Variants in NEO1 observed in about 807,000 individuals in gnomAD.
NEO1 encodes the protein neogenin 1, also known as neogenin.
Under a neutral mutation model 159.7 loss-of-function variants are expected in NEO1, and 63 were observed. The ratio of observed to expected loss-of-function variants is 0.39; its 90% confidence interval spans 0.32 to 0.49. NEO1 has a LOEUF of 0.49. NEO1 is among the 20% of genes least tolerant of loss of function. NEO1 has a pLI of 0.85. For synonymous variants in NEO1, 633 were observed against 662.0 expected (o/e 0.96, Z 0.67); for missense variants, 1,615 against 1,831.0 (o/e 0.88, Z 2.15).
intron 27 of NEO1, among the ~76,000 whole-genome samples, chr15:73,299,340 T>G (rs1476043943): frequency 6.6e-6 from 1 of 152,108 alleles, no homozygotes; most frequent in African/African-American, 2.4e-5. Flanking sequence ...CAAGTATCTA[T>G]CATGTTAAGA....
At chr15:73,295,789 G>A (rs1486478307) in intron 26 of NEO1, among the ~76,000 whole-genome samples, 1 of 152,094 alleles carries the variant, frequency 6.6e-6, no homozygotes, top group Non-Finnish European at 1.5e-5. Flanking sequence ...GGCTAAGCAG[G>A]GCCAGTCTCT....
At chr15:73,056,575 C>T (rs556045043) in intron 1 of NEO1, among the ~76,000 whole-genome samples, 1 of 152,124 alleles carries the variant, frequency 6.6e-6, no homozygotes, top group Admixed American at 6.5e-5. Flanking sequence ...GTTTTTAACC[C>T]GTAGGGCCAT....
At chr15:73,288,766 C>T (rs2042048141) in intron 24 of NEO1, among the ~76,000 whole-genome samples, 1 of 152,096 alleles carries the variant, frequency 6.6e-6, no homozygotes, top group Non-Finnish European at 1.5e-5. Context: ...TCTTGCAGAT[C>T]TTTTAGGTCT....
chr15:73,223,980 G>A (rs562986209), intron 7 of NEO1, among the ~76,000 whole-genome samples: 13 of 152,250 alleles, frequency 8.5e-5, no homozygotes, highest in East Asian at 3.9e-4. Flanking sequence ...TAGCGGTCTC[G>A]TAGAGGTGGC....
At chr15:73,241,059 A>C (rs2039465120) in intron 8 of NEO1, among the ~76,000 whole-genome samples, 1 of 152,206 alleles carries the variant, frequency 6.6e-6, no homozygotes, top group African/African-American at 2.4e-5. Flanking sequence ...TGCATTTGAA[A>C]ATTCAGCCAC....
chr15:73,069,674 G>GTA (rs543609117), intron 1 of NEO1, among the ~76,000 whole-genome samples: 451 of 151,598 alleles, frequency 3.0e-3, no homozygotes, highest in African/African-American at 3.8e-3. Context: ...ATACACATAC[G>GTA]TATATATATA....
intron 7 of NEO1, among the ~76,000 whole-genome samples, chr15:73,229,118 C>T (rs2038761897): frequency 6.6e-6 from 1 of 151,916 alleles, no homozygotes; most frequent in South Asian, 2.1e-4. Flanking sequence ...TTAATAGTTG[C>T]CTTATTAACA....
chr15:73,188,673 C>T (rs1228698450), intron 7 of NEO1, among the ~76,000 whole-genome samples: 1 of 152,090 alleles, frequency 6.6e-6, no homozygotes, highest in Non-Finnish European at 1.5e-5. Context: ...TGGTTCGAGT[C>T]AGTAATTTAT....
At chr15:73,125,065 TCTGAATC>T (rs1425692804) in intron 3 of NEO1, among the ~76,000 whole-genome samples, 1 of 152,152 alleles carries the variant, frequency 6.6e-6, no homozygotes, top group Non-Finnish European at 1.5e-5. Flanking sequence ...ATCCTCAAAA[TCTGAATC>T]CAAGAAAACA....
At chr15:73,064,706 A>G (rs2068128145) in intron 1 of NEO1, among the ~76,000 whole-genome samples, 1 of 152,070 alleles carries the variant, frequency 6.6e-6, no homozygotes, top group Admixed American at 6.6e-5. Context: ...GGCTCAAGTA[A>G]TTCTCCTGCC....
intron 28 of NEO1, among the ~76,000 whole-genome samples, chr15:73,301,823 A>G (rs1338094139): frequency 6.6e-6 from 1 of 151,968 alleles, no homozygotes; most frequent in East Asian, 1.9e-4. Context: ...ACCCATCACC[A>G]TGCCTGGCTA....
At chr15:73,101,837 A>T (rs1447365685) in intron 1 of NEO1, among the ~76,000 whole-genome samples, 1 of 152,118 alleles carries the variant, frequency 6.6e-6, no homozygotes, top group East Asian at 1.9e-4. Flanking sequence ...TCTTTCCATC[A>T]GCTTTTCAAC....
rs1438202013 is a variant in NEO1 at position 73,276,187 on chromosome 15, C to A, written c.3193+1463C>A. Among the ~76,000 whole-genome samples, 3 of 152,140 alleles carry A rather than the reference C, an allele frequency of 2.0e-5. No homozygotes were observed. In the East Asian group the frequency reaches 5.8e-4, roughly 29 times the overall value. On this transcript the variant is annotated intron_variant, in intron 21 of 28. Coordinates refer to ENST00000261908, the MANE Select transcript of NEO1 (RefSeq NM_002499.4). ...CCTGACACCTCTGGTATTTAAAATT[C>A]TTTACTCATTGATATTTTTGGTGCT...
chr15:73,204,601 G>A (rs1322246797), intron 7 of NEO1, among the ~76,000 whole-genome samples: 2 of 151,674 alleles, frequency 1.3e-5, no homozygotes, highest in Non-Finnish European at 2.9e-5. Flanking sequence ...TTTTTTCTTT[G>A]TAGAATTCCT....
chr15:73,176,388 C>A lies in NEO1; in HGVS notation c.1016-15C>A. 6.7e-7 allele frequency: 1 copy of A among 1,490,558 alleles called. No individual in the cohort carries two copies. The highest frequency in any genetic ancestry group is 9.0e-7 in the Non-Finnish European group (1 of 1,109,902). The allele number at this position is 1,490,558 out of a possible 1,614,324, so 92.3% of individuals were successfully genotyped here. ...CTATTTTCATTAATGTCTTAATTTCCTTTTTATTTTAAAGCTCAACCTGAA... is the reference window on the plus strand; with the variant it reads ...CTATTTTCATTAATGTCTTAATTTCATTTTTATTTTAAAGCTCAACCTGAA... On this transcript the variant is annotated splice_polypyrimidine_tract_variant and intron_variant, in intron 5 of 28. Transcript: ENST00000261908.
intron 2 of NEO1, among the ~76,000 whole-genome samples, chr15:73,118,237 T>A (rs2071434000): frequency 2.6e-5 from 4 of 152,002 alleles, no homozygotes; most frequent in Admixed American, 2.6e-4. Context: ...CTTATAAGCA[T>A]CTGCCTGCTA....
chr15:73,180,862 G>A (rs1464823892), intron 7 of NEO1, among the ~76,000 whole-genome samples: 1 of 152,084 alleles, frequency 6.6e-6, no homozygotes, highest in East Asian at 1.9e-4. Context: ...GTTATTAATT[G>A]TGTTTTCTAT....
At chr15:73,161,553 A>G (rs935594229) in intron 5 of NEO1, among the ~76,000 whole-genome samples, 1 of 152,292 alleles carries the variant, frequency 6.6e-6, no homozygotes, top group Middle Eastern at 3.4e-3. Context: ...CTATCATAAC[A>G]TTCCATATAT....
Position 73,111,712 on chromosome 15 carries a change from C to T in NEO1, c.131-4828C>T, listed in dbSNP as rs2071001226. ...CTTGGCTCACTGCATCCTCTTCCTC[C>T]CGTGCTCCAGTGATCCTCCCACCTC... On this transcript the variant is annotated intron_variant, in intron 1 of 28. Transcript: ENST00000261908. 2.6e-5 allele frequency among the ~76,000 whole-genome samples: 4 copies of T among 152,242 alleles called. No individual in the cohort carries two copies. The South Asian group carries it at 8.3e-4, about 32-fold the overall frequency.
Sources: allele counts gnomAD v4.1 joint callset (sites outside exome capture counted in the v4.1 genomes callset), GRCh38; gene constraint gnomAD v4.1.1; transcripts MANE v1.5; gene names NCBI Gene and HGNC (gene_info 2026-07-23, HGNC 2026-07-21).